The following GRIP1 variants were observed in gnomAD, a reference collection of about 807,000 sequenced individuals.
The protein encoded by GRIP1 is glutamate receptor-interacting protein 1.
GRIP1 carries 45 observed loss-of-function variants against 129.9 expected under a neutral mutation model. The ratio of observed to expected loss-of-function variants is 0.35; its 90% CI spans 0.27 to 0.44. GRIP1 has a LOEUF of 0.44. Among genes scored for constraint, GRIP1 ranks in the 20% least tolerant of loss-of-function variants. The pLI is 1.00. For missense variants in GRIP1, 1,196 were observed against 1,396.8 expected (o/e 0.86, Z 2.29); for synonymous variants, 530 against 520.8 (o/e 1.02, Z -0.24).
At chr12:66,408,727 T>C (rs1220330952) in intron 15 of GRIP1, among the ~76,000 whole-genome samples, 2 of 152,142 alleles carry the variant, frequency 1.3e-5, no homozygotes, top group Non-Finnish European at 2.9e-5. Context: ...AAGTGGGCTC[T>C]TGGGTTCCCT....
intron 3 of GRIP1, among the ~76,000 whole-genome samples, chr12:66,541,085 G>A (rs2061766533): frequency 6.6e-6 from 1 of 152,132 alleles, no homozygotes; most frequent in Non-Finnish European, 1.5e-5. Flanking sequence ...AATGTGCTGG[G>A]ATTACAGGCA....
chr12:66,646,662 T>G (rs2032393435), intron 1 of GRIP1, among the ~76,000 whole-genome samples: 1 of 152,178 alleles, frequency 6.6e-6, no homozygotes, highest in African/African-American at 2.4e-5. Context: ...ATTTGCTACG[T>G]TAAAAGATGG....
intron 1 of GRIP1, among the ~76,000 whole-genome samples, chr12:67,061,188 T>A (rs1431434756): frequency 6.6e-6 from 1 of 152,230 alleles, no homozygotes; most frequent in East Asian, 1.9e-4. Flanking sequence ...TAATAAAAAT[T>A]TCCAATTTAT....
intron 1 of GRIP1, among the ~76,000 whole-genome samples, chr12:66,839,749 C>G (rs189640731): frequency 6.6e-6 from 1 of 152,242 alleles, no homozygotes; most frequent in East Asian, 1.9e-4. Flanking sequence ...GGTATCCTAC[C>G]TGGTCAGTCT....
At chr12:66,429,016 T>C (rs1306967792) in intron 14 of GRIP1, among the ~76,000 whole-genome samples, 1 of 152,192 alleles carries the variant, frequency 6.6e-6, no homozygotes, top group East Asian at 1.9e-4. Flanking sequence ...TTTGCTACAA[T>C]AAATCACTCT....
At chr12:66,513,603 C>T (rs1242242882) in intron 7 of GRIP1, among the ~76,000 whole-genome samples, 1 of 151,984 alleles carries the variant, frequency 6.6e-6, no homozygotes, top group Non-Finnish European at 1.5e-5. Flanking sequence ...ATAAAGGATA[C>T]CTTAAAATTT....
intron 1 of GRIP1, among the ~76,000 whole-genome samples, chr12:66,748,805 GTT>G (rs2037033892): frequency 6.6e-6 from 1 of 152,060 alleles, no homozygotes; most frequent in Non-Finnish European, 1.5e-5. Context: ...GTTCTAATTT[GTT>G]TGCTGCTACC....
intron 1 of GRIP1, among the ~76,000 whole-genome samples, chr12:66,709,396 T>C (rs998253825): frequency 6.6e-6 from 1 of 151,958 alleles, no homozygotes; most frequent in Non-Finnish European, 1.5e-5. Flanking sequence ...CTAAAGAGAA[T>C]CCCTTATCCA....
chr12:66,584,387 C>T (rs984123237), intron 2 of GRIP1, among the ~76,000 whole-genome samples: 2 of 151,758 alleles, frequency 1.3e-5, no homozygotes, highest in East Asian at 1.9e-4. Flanking sequence ...TGCACATGTA[C>T]CCTAAAACTT....
intron 1 of GRIP1, among the ~76,000 whole-genome samples, chr12:67,040,707 A>G (rs954510): frequency 0.33 from 50,755 of 152,000 alleles, 9,253 homozygotes; most frequent in African/African-American, 0.46. Context: ...AGATAATAAA[A>G]AAATTGAATG....
intron 1 of GRIP1, among the ~76,000 whole-genome samples, chr12:66,859,409 C>A (rs1390914032): frequency 6.6e-6 from 1 of 151,810 alleles, no homozygotes; most frequent in African/African-American, 2.4e-5. Context: ...TTTTTGCCAA[C>A]TGCACATGAT....
At chr12:66,788,172 T>C (rs549123826) in intron 1 of GRIP1, among the ~76,000 whole-genome samples, 1 of 152,088 alleles carries the variant, frequency 6.6e-6, no homozygotes, top group East Asian at 1.9e-4. Flanking sequence ...AGAATTCTGC[T>C]GCACCTACTA....
chr12:66,617,286 G>GAAAAAAA (rs63275262), intron 1 of GRIP1, among the ~76,000 whole-genome samples: 1 of 104,052 alleles, frequency 9.6e-6, no homozygotes, highest in Non-Finnish European at 2.0e-5. Flanking sequence ...CAGCCAACAA[G>GAAAAAAA]AAAAAAAAAA....
chr12:66,934,945 G>C (rs1288656255), intron 1 of GRIP1, among the ~76,000 whole-genome samples: 1 of 152,220 alleles, frequency 6.6e-6, no homozygotes, highest in Admixed American at 6.5e-5. Context: ...AAGCCCTCGA[G>C]CCAAGGAATG....
intron 1 of GRIP1, among the ~76,000 whole-genome samples, chr12:66,976,867 TTC>T (rs1397080878): frequency 2.0e-5 from 3 of 152,338 alleles, no homozygotes; most frequent in East Asian, 1.9e-4. Flanking sequence ...TGCCTTAATA[TTC>T]TCTGTCTCTC....
chr12:66,645,386 C>T (rs1038497433), intron 1 of GRIP1, among the ~76,000 whole-genome samples: 12 of 151,946 alleles, frequency 7.9e-5, no homozygotes, highest in African/African-American at 2.9e-4. Context: ...GGACCTTATA[C>T]ATGCAACAAT....
chr12:66,783,491 A>T (rs1211191276), intron 1 of GRIP1, among the ~76,000 whole-genome samples: 1 of 152,198 alleles, frequency 6.6e-6, no homozygotes, highest in Non-Finnish European at 1.5e-5. Flanking sequence ...GCAGCAACTT[A>T]TAAGTGAGGT....
chr12:66,458,542 G>A (rs1473868079), intron 9 of GRIP1, among the ~76,000 whole-genome samples: 1 of 152,032 alleles, frequency 6.6e-6, no homozygotes, highest in Non-Finnish European at 1.5e-5. Context: ...CCACCACCAC[G>A]CCCAGCTAAT....
intron 1 of GRIP1, among the ~76,000 whole-genome samples, chr12:66,865,856 A>G (rs747507274): frequency 6.6e-6 from 1 of 152,022 alleles, no homozygotes; most frequent in Non-Finnish European, 1.5e-5. Flanking sequence ...ACTTCTGCTT[A>G]TTTTCCAAAC....
Sources: allele counts gnomAD v4.1 joint callset (sites outside exome capture counted in the v4.1 genomes callset), GRCh38; gene constraint gnomAD v4.1.1; transcripts MANE v1.5; gene names NCBI Gene and HGNC (gene_info 2026-07-23, HGNC 2026-07-21).